The following NCKAP5 variants were observed in gnomAD, a reference collection of about 807,000 sequenced individuals.
The protein encoded by NCKAP5 is nck-associated protein 5.
A neutral mutation model predicts 167.0 loss-of-function variants in NCKAP5; 92 were observed. The ratio of observed to expected loss-of-function variants is 0.55; its 90% confidence interval spans 0.47 to 0.66. The LOEUF (loss-of-function observed/expected upper bound fraction) is 0.66, where lower values mean the gene tolerates loss of function less well. Among genes scored for constraint, NCKAP5 ranks in the 30% least tolerant of loss-of-function variants. The pLI, the probability that NCKAP5 is intolerant of heterozygous loss-of-function variation, is 0.00. For synonymous variants in NCKAP5, 891 were observed against 877.4 expected, an observed-to-expected ratio of 1.02 and a Z score of -0.27; for missense variants, 2,378 against 2,315.0, an observed-to-expected ratio of 1.03 and a Z score of -0.56.
intron 2 of NCKAP5, chr2:133,527,331 C>A (rs182943646): frequency 6.6e-6 from 1 of 152,208 alleles, no homozygotes; most frequent in Non-Finnish European, 1.5e-5. Context: ...AGTGAAACAC[C>A]AAAATGACTC....
the NCKAP5 span, among the ~76,000 whole-genome samples, chr2:133,592,269 A>T: frequency 6.6e-6 from 1 of 152,332 alleles, no homozygotes; most frequent in African/African-American, 2.4e-5. Flanking sequence ...CTTACAAACT[A>T]TGTCACTCTA....
intron 11 of NCKAP5, among the ~76,000 whole-genome samples, chr2:132,841,261 A>C (rs974888049): frequency 3.3e-5 from 5 of 152,104 alleles, no homozygotes; most frequent in African/African-American, 1.2e-4. Flanking sequence ...ATGTGGCTAA[A>C]TTTATTTCTA....
chr2:132,805,945 G>C (rs1685398863), intron 11 of NCKAP5, among the ~76,000 whole-genome samples: 1 of 151,910 alleles, frequency 6.6e-6, no homozygotes, highest in African/African-American at 2.4e-5. Flanking sequence ...CTTCCTGCCA[G>C]GTCTTCAAAC....
chr2:133,361,574 C>T (rs982263792), intron 3 of NCKAP5, among the ~76,000 whole-genome samples: 35 of 152,256 alleles, frequency 2.3e-4, no homozygotes, highest in Middle Eastern at 3.4e-3. Context: ...TTATGATGCT[C>T]TTGTTAAAAG....
At chr2:132,894,143 G>T (rs1469102145) in intron 8 of NCKAP5, among the ~76,000 whole-genome samples, 2 of 152,210 alleles carry the variant, frequency 1.3e-5, no homozygotes, top group African/African-American at 4.8e-5. Flanking sequence ...AGCGATGGAA[G>T]GGGAAGATGG....
At chr2:132,994,698 A>G (rs999552609) in intron 6 of NCKAP5, among the ~76,000 whole-genome samples, 4 of 152,210 alleles carry the variant, frequency 2.6e-5, no homozygotes, top group African/African-American at 9.6e-5. Flanking sequence ...GATTTACTTC[A>G]TTCTTCTCAA....
At chr2:133,519,710 A>G (rs960248970) in intron 2 of NCKAP5, among the ~76,000 whole-genome samples, 1 of 152,194 alleles carries the variant, frequency 6.6e-6, no homozygotes. Context: ...CAGTAGGAAT[A>G]CCCTAGGAAT....
chr2:133,035,137 T>G (rs528689463), intron 6 of NCKAP5, among the ~76,000 whole-genome samples: 1 of 152,126 alleles, frequency 6.6e-6, no homozygotes, highest in East Asian at 1.9e-4. Context: ...CAAATCATAT[T>G]TTAAGACAAA....
intron 16 of NCKAP5, among the ~76,000 whole-genome samples, chr2:132,744,579 A>T (rs551858662): frequency 6.6e-6 from 1 of 151,724 alleles, no homozygotes; most frequent in African/African-American, 2.4e-5. Context: ...AAATAAGAAC[A>T]TATTAAACAT....
At chr2:133,420,061 TCTA>T (rs1574923604) in intron 3 of NCKAP5, among the ~76,000 whole-genome samples, 1 of 152,350 alleles carries the variant, frequency 6.6e-6, no homozygotes, top group East Asian at 1.9e-4. Context: ...CCTCATACTC[TCTA>T]CTGTGTTTTC....
chr2:133,275,698 A>G (rs1484178255), intron 4 of NCKAP5, among the ~76,000 whole-genome samples: 1 of 152,020 alleles, frequency 6.6e-6, no homozygotes, highest in Non-Finnish European at 1.5e-5. Flanking sequence ...AAAATTAAAA[A>G]ATATAAATAA....
At chr2:133,200,387 T>C (rs987408667) in intron 5 of NCKAP5, among the ~76,000 whole-genome samples, 4 of 152,046 alleles carry the variant, frequency 2.6e-5, no homozygotes, top group South Asian at 2.1e-4. Context: ...AATATTCTTT[T>C]CAACAAATGA....
chr2:133,576,449 T>A, the NCKAP5 span, among the ~76,000 whole-genome samples: 1 of 152,222 alleles, frequency 6.6e-6, no homozygotes, highest in East Asian at 1.9e-4. Flanking sequence ...ATGTGCTTAT[T>A]CATTCACTGA....
the NCKAP5 span, among the ~76,000 whole-genome samples, chr2:133,603,515 G>A: frequency 1.3e-5 from 2 of 151,680 alleles, no homozygotes; most frequent in Non-Finnish European, 2.9e-5. Flanking sequence ...GTGAGCCACC[G>A]TGCCCAGCCC....
intron 5 of NCKAP5, among the ~76,000 whole-genome samples, chr2:133,183,692 C>G (rs933118666): frequency 4.6e-5 from 7 of 152,158 alleles, no homozygotes; most frequent in African/African-American, 1.4e-4. Flanking sequence ...TGTCCACTTT[C>G]ACTAATTTTG....
intron 2 of NCKAP5, among the ~76,000 whole-genome samples, chr2:133,547,374 C>T (rs1686817756): frequency 6.6e-6 from 1 of 151,994 alleles, no homozygotes; most frequent in African/African-American, 2.4e-5. Context: ...GTGGAGCCCA[C>T]CACAGCTCAA....
chr2:133,359,659 T>C (rs992997516), intron 3 of NCKAP5, among the ~76,000 whole-genome samples: 1 of 152,214 alleles, frequency 6.6e-6, no homozygotes. Flanking sequence ...TTTCTCATGA[T>C]TTAGAAAGAA....
At chr2:133,345,863 G>T (rs370946357) in intron 3 of NCKAP5, among the ~76,000 whole-genome samples, 1 of 152,092 alleles carries the variant, frequency 6.6e-6, no homozygotes, top group Non-Finnish European at 1.5e-5. Context: ...AGGAGGTTTG[G>T]GGTATGAGGT....
At chr2:133,294,979 T>C (rs1190115437) in intron 4 of NCKAP5, among the ~76,000 whole-genome samples, 3 of 152,198 alleles carry the variant, frequency 2.0e-5, no homozygotes, top group Admixed American at 6.5e-5. Flanking sequence ...TCCCCCGCCT[T>C]GGGAAGCAAG....
Sources: gnomAD v4.1 joint callset for allele counts (sites outside exome capture counted in the v4.1 genomes callset) on GRCh38, gnomAD v4.1.1 for gene constraint, MANE v1.5 for transcripts, NCBI Gene and HGNC (gene_info 2026-07-23, HGNC 2026-07-21) for gene names.